CDK5RAP2: variants seen among roughly 807,000 people sequenced by gnomAD.
CDK5RAP2 encodes the protein CDK5 regulatory subunit-associated protein 2.
Under a neutral mutation model 232.9 loss-of-function variants are expected in CDK5RAP2, and 147 were observed. The ratio of observed to expected loss-of-function variants is 0.63; its 90% CI spans 0.55 to 0.72. CDK5RAP2 has a LOEUF of 0.72. CDK5RAP2 is among the 30% of genes least tolerant of loss of function. The pLI is 0.00. For missense variants in CDK5RAP2, 2,195 were observed against 2,231.5 expected, an observed-to-expected ratio of 0.98 and a Z score of 0.33; for synonymous variants, 833 against 833.7, an observed-to-expected ratio of 1.00 and a Z score of 0.01.
At chr9:120,523,246 G>A (rs555957313) in intron 11 of CDK5RAP2, among the ~76,000 whole-genome samples, 1 of 152,218 alleles carries the variant, frequency 6.6e-6, no homozygotes, top group East Asian at 1.9e-4. Context: ...AATACATCTG[G>A]GTAACATTTA....
At position 120,451,790 on chromosome 9, in the gene CDK5RAP2, A is replaced by C. The variant is rs147449496; in HGVS notation, c.2793+1666T>G. Among the ~76,000 whole-genome samples the C allele has an allele frequency of 7.2e-3, 1,089 of 151,186 alleles. 10 individuals carry two copies. The highest frequency in any genetic ancestry group is 0.024 in the African/African-American group (997 of 41,308). On this transcript the variant is annotated intron_variant, in intron 21 of 37. Transcript: ENST00000349780. Reference sequence around the variant, plus strand: ...GCCTTTTAAGAGCCTATATTTCTTCATAAGTAAAATGTAGGTAATACCTAC... The same window carrying C: ...GCCTTTTAAGAGCCTATATTTCTTCCTAAGTAAAATGTAGGTAATACCTAC...
At chr9:120,492,596 C>A (rs1212362410) in intron 12 of CDK5RAP2, among the ~76,000 whole-genome samples, 1 of 152,106 alleles carries the variant, frequency 6.6e-6, no homozygotes, top group East Asian at 1.9e-4. Flanking sequence ...ACTTTGTAAC[C>A]AGTTAACTGG....
intron 20 of CDK5RAP2, among the ~76,000 whole-genome samples, chr9:120,456,717 T>C (rs1362708590): frequency 6.6e-6 from 1 of 152,178 alleles, no homozygotes; most frequent in Non-Finnish European, 1.5e-5. Flanking sequence ...TTAACATAGA[T>C]TAAAAAGTAA....
chr9:120,580,053 G>C lies in CDK5RAP2; in HGVS notation c.-75C>G, dbSNP rs1409623359. The C allele has an allele frequency of 2.2e-6, 2 of 911,150 alleles. No individual in the cohort carries two copies. The highest frequency in any genetic ancestry group is 3.6e-6 in the Non-Finnish European group (2 of 561,254). The allele number at this position is 911,150 out of a possible 1,614,324, so 56.4% of individuals were successfully genotyped here. A position where few individuals can be genotyped will look rare whatever the true frequency, so the allele number is the denominator to read the frequency against. Reference sequence around the variant, plus strand: ...GTACCCCCCGCGATAGCGACCCGCCGGGCTCCCCAGGTCCCCGCCCCCTCC... The same window carrying C: ...GTACCCCCCGCGATAGCGACCCGCCCGGCTCCCCAGGTCCCCGCCCCCTCC... On this transcript the variant is annotated 5_prime_UTR_variant, in exon 1 of 38. Coordinates refer to ENST00000349780, the MANE Select transcript of CDK5RAP2 (RefSeq NM_018249.6).
intron 1 of CDK5RAP2, among the ~76,000 whole-genome samples, chr9:120,575,533 G>A (rs1353511277): frequency 6.6e-6 from 1 of 152,104 alleles, no homozygotes. Flanking sequence ...ATGTCTCCTT[G>A]ACAAATTGTT....
chr9:120,478,204 C>G (rs1440866868), intron 14 of CDK5RAP2, among the ~76,000 whole-genome samples: 3 of 152,198 alleles, frequency 2.0e-5, no homozygotes, highest in African/African-American at 4.8e-5. Flanking sequence ...TATGGAGTTA[C>G]AGAGCAGATG....
At chr9:120,450,157 G>A (rs1487610052) in intron 21 of CDK5RAP2, among the ~76,000 whole-genome samples, 1 of 152,180 alleles carries the variant, frequency 6.6e-6, no homozygotes, top group Non-Finnish European at 1.5e-5. Flanking sequence ...ATATACTATG[G>A]AATACTGTTT....
At chr9:120,441,235 C>T (rs1018857812) in intron 23 of CDK5RAP2, among the ~76,000 whole-genome samples, 5 of 152,132 alleles carry the variant, frequency 3.3e-5, no homozygotes, top group Non-Finnish European at 7.4e-5. Flanking sequence ...TAAGGGGCAG[C>T]GGAATGTAGT....
intron 16 of CDK5RAP2, 77 bp downstream of exon 16, chr9:120,471,671 T>C: frequency 6.2e-6 from 10 of 1,601,648 alleles, no homozygotes; most frequent in Non-Finnish European, 8.6e-6. Context: ...TAACAAATAT[T>C]TAGGACTCTC....
chr9:120,396,648 CCACA>C (rs2032490808), intron 35 of CDK5RAP2, among the ~76,000 whole-genome samples: 1 of 152,160 alleles, frequency 6.6e-6, no homozygotes, highest in African/African-American at 2.4e-5. Flanking sequence ...CCTGTACTGA[CCACA>C]CACTCATTTC....
At chr9:120,484,067 C>G (rs1443026933) in intron 14 of CDK5RAP2, among the ~76,000 whole-genome samples, 1 of 152,188 alleles carries the variant, frequency 6.6e-6, no homozygotes, top group Non-Finnish European at 1.5e-5. Context: ...GTGTTTCACT[C>G]TCTATTCTTC....
chr9:120,560,031 T>A (rs1017410274), intron 3 of CDK5RAP2, among the ~76,000 whole-genome samples: 33 of 152,148 alleles, frequency 2.2e-4, no homozygotes, highest in Admixed American at 2.1e-3. Context: ...ACTCTGGCTA[T>A]CCGCTTCAAT....
intron 18 of CDK5RAP2, among the ~76,000 whole-genome samples, chr9:120,465,599 G>A (rs1321543573): frequency 6.6e-6 from 1 of 151,910 alleles, no homozygotes; most frequent in Admixed American, 6.6e-5. Context: ...AGTTGTTGGG[G>A]GGAGGGGGAA....
At position 120,518,459 on chromosome 9, in the gene CDK5RAP2, G is replaced by C; in HGVS notation, c.1279C>G (p.Arg427Gly). The C allele has an allele frequency of 6.2e-7, 1 of 1,613,668 alleles. No individual in the cohort carries two copies. The highest frequency in any genetic ancestry group is 8.5e-7 in the Non-Finnish European group (1 of 1,179,948). Reference sequence around the variant, plus strand: ...GTGCAGTCTCCTTTGCTCTTCTCTCGATGGGCTTCCTCCAGGTCCTTCTCC... The same window carrying C: ...GTGCAGTCTCCTTTGCTCTTCTCTCCATGGGCTTCCTCCAGGTCCTTCTCC... ...RLEKDLEEAHREKSKGDCTIR... is the reference protein window; with the variant it reads ...RLEKDLEEAHGEKSKGDCTIR... The change falls in exon 12 of 38, where the codon CGA becomes GGA. Residue 427 changes from arginine to glycine, a missense_variant. Coordinates refer to ENST00000349780, the MANE Select transcript of CDK5RAP2 (RefSeq NM_018249.6).
chr9:120,527,006 C>CCCTT (rs1280120593), intron 10 of CDK5RAP2, among the ~76,000 whole-genome samples: 3 of 152,058 alleles, frequency 2.0e-5, no homozygotes, highest in African/African-American at 7.2e-5. Flanking sequence ...GGATCAGGTC[C>CCCTT]CCTTCCCTCT....
chr9:120,468,069 G>C, intron 17 of CDK5RAP2, 72 bp from the exon 18 acceptor site: 2 of 1,514,040 alleles, frequency 1.3e-6, no homozygotes, highest in Non-Finnish European at 1.8e-6. Context: ...CGCAGCCCCA[G>C]ACAGCCCTAT....
intron 22 of CDK5RAP2, among the ~76,000 whole-genome samples, chr9:120,446,385 C>T (rs1288274153): frequency 6.6e-6 from 1 of 152,230 alleles, no homozygotes; most frequent in Admixed American, 6.5e-5. Context: ...CGCCACCATG[C>T]CTGGCTAATT....
At chr9:120,447,193 A>G (rs555217308) in intron 22 of CDK5RAP2, among the ~76,000 whole-genome samples, 45 of 152,332 alleles carry the variant, frequency 3.0e-4, no homozygotes, top group African/African-American at 1.0e-3. Flanking sequence ...TTTGTGGATC[A>G]TGAGCCCTGA....
intron 20 of CDK5RAP2, among the ~76,000 whole-genome samples, chr9:120,456,729 G>A (rs1157565835): frequency 6.6e-6 from 1 of 152,134 alleles, no homozygotes; most frequent in African/African-American, 2.4e-5. Context: ...AAAAAGTAAT[G>A]ACAATTGTTA....
Sources: allele counts gnomAD v4.1 joint callset (sites outside exome capture counted in the v4.1 genomes callset), GRCh38; gene constraint gnomAD v4.1.1; transcripts MANE v1.5; gene names NCBI Gene and HGNC (gene_info 2026-07-23, HGNC 2026-07-21).